Variants in ANKRD36B observed in about 807,000 individuals in gnomAD.
The protein encoded by ANKRD36B is ankyrin repeat domain 36B.
In ANKRD36B, 37 loss-of-function variants were observed where a neutral mutation model predicts 135.7. The ratio of observed to expected loss-of-function variants is 0.27; its 90% CI spans 0.21 to 0.36. The LOEUF is 0.36. Ranked by LOEUF, ANKRD36B falls within the 10% of genes least tolerant of loss-of-function variation. The probability of loss-of-function intolerance (pLI) is 1.00; values close to 1 mark genes in which losing one functional copy is unlikely to be tolerated. For synonymous variants in ANKRD36B, 179 were observed against 348.1 expected, an observed-to-expected ratio of 0.51 and a Z score of 5.41; for missense variants, 549 against 1,037.1, an observed-to-expected ratio of 0.53 and a Z score of 6.46.
chr2:97,568,146 TA>T (rs2081581959), intron 6 of ANKRD36B, among the ~76,000 whole-genome samples: 1 of 152,018 alleles, frequency 6.6e-6, no homozygotes, highest in African/African-American at 2.4e-5. Context: ...ATTATAGATA[TA>T]TATGTATTTT....
rs375181324 is a variant in ANKRD36B at position 97,545,494 on chromosome 2, T to A, written c.1681+172A>T. Reference sequence around the variant, plus strand: ...ATCTAAAATCTTAGTACTTTCAGCATGGACAAGGACCACAGCATCAGGGTC... The same window carrying A: ...ATCTAAAATCTTAGTACTTTCAGCAAGGACAAGGACCACAGCATCAGGGTC... On this transcript the variant is annotated intron_variant, in intron 24 of 43. Transcript: ENST00000359901. Among the ~76,000 whole-genome samples, 3 of 95,890 alleles carry A rather than the reference T, an allele frequency of 3.1e-5. 1 individual carries two copies. Among genetic ancestry groups the A allele is most frequent in the Non-Finnish European group, 5.6e-5 (2 of 35,838 alleles). The allele number at this position is 95,890 out of a possible 152,430, so 62.9% of individuals were successfully genotyped here. A position where few individuals can be genotyped will look rare whatever the true frequency, so the allele number is the denominator to read the frequency against.
rs1388428247 is a variant in ANKRD36B, at chr2:97,524,558, C to G, written c.2266-1091G>C. ...ATGAGAAAGAAAGGCATTTTTGAGA[C>G]TGGGTTATTTTTGTTCAGGAAATAT... On this transcript the variant is annotated intron_variant, in intron 35 of 43. Transcript: ENST00000359901. The G allele has an allele frequency of 6.2e-5, 6 of 96,022 alleles. 2 individuals are homozygous for G. Among genetic ancestry groups the G allele is most frequent in the Middle Eastern group, 5.2e-3 (1 of 194 alleles). The allele number at this position is 96,022 out of a possible 1,614,324, so 5.9% of individuals were successfully genotyped here.
intron 1 of ANKRD36B, among the ~76,000 whole-genome samples, chr2:97,585,671 A>G (rs545708702): frequency 3.8e-4 from 58 of 152,366 alleles, no homozygotes; most frequent in African/African-American, 9.6e-4. Context: ...TATCAATAAA[A>G]TATGTAAGAG....
At chr2:97,557,968 T>G (rs2080677762) in intron 10 of ANKRD36B, among the ~76,000 whole-genome samples, 1 of 151,824 alleles carries the variant, frequency 6.6e-6, no homozygotes, top group Non-Finnish European at 1.5e-5. Context: ...GAATTCACCA[T>G]TATTTTTTTT....
chr2:97,580,401 G>C (rs1481145958), intron 4 of ANKRD36B, 61 bp downstream of exon 4: 1 of 1,400,188 alleles, frequency 7.1e-7, no homozygotes, highest in Admixed American at 2.5e-5. Flanking sequence ...TTGAGTGACT[G>C]CTACCACTCT....
At chr2:97,575,321 A>G (rs2082154156) in intron 6 of ANKRD36B, among the ~76,000 whole-genome samples, 1 of 151,470 alleles carries the variant, frequency 6.6e-6, no homozygotes, top group Non-Finnish European at 1.5e-5. Flanking sequence ...AATAATTATA[A>G]TAACATCATT....
At chr2:97,570,365 C>G (rs917725921) in intron 6 of ANKRD36B, among the ~76,000 whole-genome samples, 1 of 152,180 alleles carries the variant, frequency 6.6e-6, no homozygotes, top group Non-Finnish European at 1.5e-5. Context: ...GAAAGGCCTA[C>G]ATGCAAAACT....
intron 10 of ANKRD36B, among the ~76,000 whole-genome samples, chr2:97,558,278 T>G (rs1273238521): frequency 2.6e-5 from 4 of 152,070 alleles, no homozygotes; most frequent in African/African-American, 9.7e-5. Context: ...GCAACTGAAC[T>G]CAGGTTTCCT....
intron 24 of ANKRD36B, 22 bp downstream of exon 24, chr2:97,545,644 T>C (rs759479479): frequency 1.0e-6 from 1 of 953,376 alleles, no homozygotes; most frequent in South Asian, 1.2e-5. Flanking sequence ...GAACATCATA[T>C]TAAATGTGTT....
rs2079148364 is a variant in ANKRD36B, at chr2:97,541,511, G to A, written c.1885+400C>T. ...ATCTTGTTCGTTCTCATTCTATGCT[G>A]TTTTTGAGGTATTAGGATGACGTTT... On this transcript the variant is annotated intron_variant, in intron 28 of 43. Coordinates refer to ENST00000359901, the MANE Select transcript of ANKRD36B (RefSeq NM_001393939.1). Among the ~76,000 whole-genome samples the A allele has an allele frequency of 2.1e-5, 2 of 96,146 alleles. 1 individual carries two copies. Among genetic ancestry groups the A allele is most frequent in the African/African-American group, 6.2e-5 (2 of 32,180 alleles). 63.1% of individuals were successfully genotyped at this position (96,146 alleles called of 152,430 possible).
rs1160701790 is a variant in ANKRD36B at position 97,560,870 on chromosome 2, A to C, written c.764-10T>G. Reference sequence around the variant, plus strand: ...TGTTTCTGAGGAGACACTGAAAAGCAAAAGGGATACATAATCAATCATATG... The same window carrying C: ...TGTTTCTGAGGAGACACTGAAAAGCCAAAGGGATACATAATCAATCATATG... On this transcript the variant is annotated splice_polypyrimidine_tract_variant and intron_variant, in intron 6 of 43. Coordinates refer to ENST00000359901, the MANE Select transcript of ANKRD36B (RefSeq NM_001393939.1). 6.4e-7 allele frequency: 1 copy of C among 1,562,662 alleles called. No individual in the cohort carries two copies. Among genetic ancestry groups the C allele is most frequent in the Non-Finnish European group, 8.7e-7 (1 of 1,154,554 alleles).
intron 6 of ANKRD36B, among the ~76,000 whole-genome samples, chr2:97,565,742 A>T (rs2081376333): frequency 6.6e-6 from 1 of 152,150 alleles, no homozygotes; most frequent in Non-Finnish European, 1.5e-5. Flanking sequence ...GAATGCTTTT[A>T]CACTGTTGGT....
chr2:97,557,763 G>A lies in ANKRD36B; in HGVS notation c.968-631C>T, dbSNP rs574570940. ...TACATTTGTTGTGTCCTCTAGTTTA[G>A]GCTACAGAAAGGTTCTTCATCCACT... On this transcript the variant is annotated intron_variant, in intron 10 of 43. Transcript: ENST00000359901. Among the ~76,000 whole-genome samples, 9 of 151,806 alleles carry A rather than the reference G, an allele frequency of 5.9e-5. No individual in the cohort carries two copies. In the East Asian group the frequency reaches 1.8e-3, roughly 30 times the overall value.
intron 16 of ANKRD36B, among the ~76,000 whole-genome samples, chr2:97,552,443 T>C (rs917530049): frequency 6.6e-6 from 1 of 151,954 alleles, no homozygotes; most frequent in African/African-American, 2.4e-5. Context: ...CAAGTTTATC[T>C]CATTTCTATA....
intron 38 of ANKRD36B, 57 bp downstream of exon 38, chr2:97,513,123 G>C: frequency 6.9e-7 from 1 of 1,441,742 alleles, no homozygotes; most frequent in Non-Finnish European, 9.1e-7. Context: ...TGAAAGAGAT[G>C]GTATAAGTAA....
intron 22 of ANKRD36B, among the ~76,000 whole-genome samples, chr2:97,546,398 T>G (rs1262717092): frequency 6.6e-6 from 1 of 151,740 alleles, no homozygotes; most frequent in Admixed American, 6.6e-5. Flanking sequence ...ACCTTGGATA[T>G]CTGCTTGCTG....
At position 97,565,861 on chromosome 2, in the gene ANKRD36B, C is replaced by CGG. The variant is rs56175641; in HGVS notation, c.764-5003_764-5002dup. Among the ~76,000 whole-genome samples the CGG allele has an allele frequency of 8.6e-3, 1,262 of 146,502 alleles. 25 individuals carry two copies. Among genetic ancestry groups the CGG allele is most frequent in the African/African-American group, 0.03 (1,193 of 40,364 alleles). On this transcript the variant is annotated intron_variant, in intron 6 of 43. Transcript: ENST00000359901. The stretch of plus-strand genomic sequence containing the variant: ...GTAATCTCATTACTGGGCATATACT[C>CGG]GGGGTGTGTGTGTGTGTGTGTGTGT...
intron 4 of ANKRD36B, among the ~76,000 whole-genome samples, chr2:97,579,281 A>C (rs1478863613): frequency 9.5e-6 from 1 of 105,786 alleles, no homozygotes. Flanking sequence ...TGCTAACTTA[A>C]AGTCCTTTGA....
intron 1 of ANKRD36B, among the ~76,000 whole-genome samples, chr2:97,587,578 A>C (rs1425635007): frequency 2.0e-5 from 3 of 152,216 alleles, no homozygotes; most frequent in African/African-American, 7.2e-5. Flanking sequence ...AATCCACTAT[A>C]AGGGGTTTTC....
Sources: gnomAD v4.1 joint callset for allele counts (sites outside exome capture counted in the v4.1 genomes callset) on GRCh38, gnomAD v4.1.1 for gene constraint, MANE v1.5 for transcripts, NCBI Gene and HGNC (gene_info 2026-07-23, HGNC 2026-07-21) for gene names.